The following HSPA4L variants were observed in gnomAD, a reference collection of about 807,000 sequenced individuals.
HSPA4L encodes the protein heat shock 70 kDa protein 4L.
Under a neutral mutation model 100.3 loss-of-function variants are expected in HSPA4L, and 48 were observed. The ratio of observed to expected loss-of-function variants is 0.48; its 90% CI spans 0.38 to 0.61. HSPA4L has a LOEUF of 0.61. Among genes scored for constraint, HSPA4L ranks in the 20% least tolerant of loss-of-function variants. The probability of loss-of-function intolerance (pLI) is 0.00; values close to 1 mark genes in which losing one functional copy is unlikely to be tolerated. For synonymous variants in HSPA4L, 319 were observed against 328.2 expected (o/e 0.97, Z 0.30); for missense variants, 886 against 988.6 (o/e 0.90, Z 1.39).
At chr4:127,800,920 C>T (rs1239139478) in intron 4 of HSPA4L, among the ~76,000 whole-genome samples, 2 of 152,066 alleles carry the variant, frequency 1.3e-5, no homozygotes, top group Admixed American at 6.6e-5. Context: ...GCAACTCTGC[C>T]ATATTACCTT....
intron 18 of HSPA4L, 140 bp downstream of exon 18, chr4:127,830,939 T>A: frequency 1.8e-6 from 1 of 568,350 alleles, no homozygotes; most frequent in Non-Finnish European, 2.8e-6. Flanking sequence ...GTTAAAAAAT[T>A]TTAAGATTTT....
intron 3 of HSPA4L, among the ~76,000 whole-genome samples, chr4:127,797,965 T>C (rs1466315929): frequency 6.6e-6 from 1 of 152,172 alleles, no homozygotes; most frequent in African/African-American, 2.4e-5. Context: ...TATTTCTGTT[T>C]GCTTGATTTC....
upstream of HSPA4L, chr4:127,782,062 GT>G: frequency 2.2e-6 from 1 of 455,288 alleles, no homozygotes; most frequent in Non-Finnish European, 4.4e-6. Context: ...GCAAGCCAAT[GT>G]GCCTAGCCTC....
intron 1 of HSPA4L, among the ~76,000 whole-genome samples, chr4:127,791,375 G>T (rs1732870126): frequency 6.6e-6 from 1 of 152,034 alleles, no homozygotes; most frequent in Admixed American, 6.6e-5. Flanking sequence ...CTAGAAAAAA[G>T]GTCCATCCAT....
At chr4:127,831,962 AATGAGATGAG>A (rs1211254007) in intron 18 of HSPA4L, among the ~76,000 whole-genome samples, 1 of 151,994 alleles carries the variant, frequency 6.6e-6, no homozygotes, top group Admixed American at 6.6e-5. Context: ...TTTTACTCCT[AATGAGATGAG>A]ATGAGATGTG....
intron 8 of HSPA4L, among the ~76,000 whole-genome samples, chr4:127,804,441 A>G (rs1578702332): frequency 6.6e-6 from 1 of 152,082 alleles, no homozygotes; most frequent in East Asian, 1.9e-4. Flanking sequence ...CCCCATCTCT[A>G]TTAAAATTCC....
intron 2 of HSPA4L, among the ~76,000 whole-genome samples, chr4:127,794,349 A>G (rs1433519341): frequency 6.6e-6 from 1 of 151,918 alleles, no homozygotes; most frequent in East Asian, 1.9e-4. Flanking sequence ...AATATTTTTT[A>G]GTTGTGAAGT....
chr4:127,831,826 C>T (rs7689820), intron 18 of HSPA4L, among the ~76,000 whole-genome samples: 1 of 151,678 alleles, frequency 6.6e-6, no homozygotes, highest in South Asian at 2.1e-4. Context: ...AAATAACATT[C>T]AGTATGTTTT....
intron 1 of HSPA4L, among the ~76,000 whole-genome samples, chr4:127,790,098 G>T (rs561653044): frequency 6.6e-6 from 1 of 152,252 alleles, no homozygotes; most frequent in African/African-American, 2.4e-5. Flanking sequence ...ACTGGTAACT[G>T]TTTAGCTTTC....
Position 127,833,472 on chromosome 4 carries a change from A to T in HSPA4L, c.*598A>T, listed in dbSNP as rs1476054421. ...TGTGAAAGGGAACACACCCAATTTT[A>T]TGTTAAGGTGAAACCAGCAGTTTGC... On this transcript the variant is annotated 3_prime_UTR_variant, in exon 19 of 19. Coordinates refer to ENST00000296464, the MANE Select transcript of HSPA4L (RefSeq NM_014278.4). 6.6e-6 allele frequency: 1 copy of T among 152,240 alleles called. No individual in the cohort carries two copies. The highest frequency in any genetic ancestry group is 1.5e-5 in the Non-Finnish European group (1 of 68,016). The allele number at this position is 152,240 out of a possible 1,614,324, so 9.4% of individuals were successfully genotyped here. A position where few individuals can be genotyped will look rare whatever the true frequency, so the allele number is the denominator to read the frequency against.
At chr4:127,809,453 T>G (rs1733465650) in intron 11 of HSPA4L, 1 of 1,197,460 alleles carries the variant, frequency 8.4e-7, no homozygotes, top group South Asian at 1.2e-5. Context: ...TTCTTCCTGT[T>G]TTACCTCGCC....
At chr4:127,824,610 T>G (rs1309824964) in intron 16 of HSPA4L, among the ~76,000 whole-genome samples, 1 of 152,206 alleles carries the variant, frequency 6.6e-6, no homozygotes, top group Non-Finnish European at 1.5e-5. Context: ...ATCTTGACCA[T>G]TAAAGGAGTC....
At chr4:127,805,814 T>G in intron 10 of HSPA4L, 21 bp downstream of exon 10, 1 of 1,464,244 alleles carries the variant, frequency 6.8e-7, no homozygotes, top group Non-Finnish European at 9.5e-7. Flanking sequence ...TTTAAAACCT[T>G]GATTAGAGCT....
intron 3 of HSPA4L, 61 bp downstream of exon 3, chr4:127,795,969 A>G: frequency 6.5e-7 from 1 of 1,527,866 alleles, no homozygotes; most frequent in Non-Finnish European, 9.0e-7. Flanking sequence ...CCAATGTGAT[A>G]ATATTGCTAT....
rs772779047 is a variant in HSPA4L at position 127,818,428 on chromosome 4, T to G, written c.1674+8T>G. On this transcript the variant is annotated splice_region_variant and intron_variant, in intron 13 of 18. Transcript: ENST00000296464. ...ACAGGAGCCAAAACAAAGGTTTGGT[T>G]TACTTTTTCTGTAGTTATGTCTTTT... 8 of 1,558,896 alleles carry G rather than the reference T, an allele frequency of 5.1e-6. No homozygotes were observed. In the East Asian group the frequency reaches 1.6e-4, roughly 31 times the overall value.
At chr4:127,783,182 T>C (rs201276131) in intron 1 of HSPA4L, among the ~76,000 whole-genome samples, 2 of 35,412 alleles carry the variant, frequency 5.6e-5, no homozygotes, top group Non-Finnish European at 2.3e-4. Context: ...CCCGAAAGCC[T>C]TTTTTTTTTT....
chr4:127,827,758 T>G (rs1333349860), intron 17 of HSPA4L, among the ~76,000 whole-genome samples: 1 of 152,122 alleles, frequency 6.6e-6, no homozygotes, highest in African/African-American at 2.4e-5. Flanking sequence ...TCTTTGACTT[T>G]TTTTAAATTA....
At chr4:127,802,821 G>A (rs1733229152) in intron 6 of HSPA4L, among the ~76,000 whole-genome samples, 1 of 152,004 alleles carries the variant, frequency 6.6e-6, no homozygotes, top group South Asian at 2.1e-4. Flanking sequence ...CTAGTCTGTG[G>A]GGCGACATTC....
In HSPA4L at chr4:127,805,098, T is replaced by C. The variant is rs957045748; in HGVS notation, c.1011T>C (p.Ser337=). The change falls in exon 9 of 19, where the codon AGT becomes AGC. Residue 337 remains serine (S), a synonymous_variant. Transcript: ENST00000296464. ...QANLQREDIS[S]IEIVGGATRI... The stretch of plus-strand genomic sequence containing the variant: ...ACTTACAACGTGAAGACATTAGTAG[T>C]ATAGAAATTGTAGGAGGAGCAACAC... 2 of 1,610,748 alleles carry C rather than the reference T, an allele frequency of 1.2e-6. No individual in the cohort carries two copies. The highest frequency in any genetic ancestry group is 1.7e-6 in the Non-Finnish European group (2 of 1,178,358).
Sources: gnomAD v4.1 joint callset for allele counts (sites outside exome capture counted in the v4.1 genomes callset) on GRCh38, gnomAD v4.1.1 for gene constraint, MANE v1.5 for transcripts, NCBI Gene and HGNC (gene_info 2026-07-23, HGNC 2026-07-21) for gene names.